Variants in PDE7A observed in about 807,000 individuals in gnomAD.
PDE7A encodes the protein phosphodiesterase 7A, also known as high affinity 3',5'-cyclic-AMP phosphodiesterase 7A.
Under a neutral mutation model 64.3 loss-of-function variants are expected in PDE7A, and 39 were observed. The observed-to-expected ratio is 0.61, with a 90% CI of 0.47 to 0.79. The LOEUF (loss-of-function observed/expected upper bound fraction) is 0.79, where lower values mean the gene tolerates loss of function less well. PDE7A is among the 30% of genes least tolerant of loss of function. PDE7A has a pLI of 0.00. For missense variants in PDE7A, 470 were observed against 582.8 expected (o/e 0.81, Z 1.99); for synonymous variants, 203 against 206.8 (o/e 0.98, Z 0.16).
At chr8:65,726,999 G>T in intron 8 of PDE7A, 33 bp from the exon 9 acceptor site, 1 of 1,214,186 alleles carries the variant, frequency 8.2e-7, no homozygotes, top group Non-Finnish European at 1.2e-6. Flanking sequence ...GTTACTTAAT[G>T]ATACGTCTCT....
chr8:65,753,508 C>T (rs1309276683), intron 3 of PDE7A, among the ~76,000 whole-genome samples: 1 of 151,952 alleles, frequency 6.6e-6, no homozygotes, highest in Non-Finnish European at 1.5e-5. Context: ...GGGTGAGCTC[C>T]CCACCCTCAC....
intron 7 of PDE7A, among the ~76,000 whole-genome samples, chr8:65,731,388 G>C (rs1406118935): frequency 6.6e-6 from 1 of 152,224 alleles, no homozygotes; most frequent in Non-Finnish European, 1.5e-5. Flanking sequence ...TTCAGTGCTA[G>C]AGTGGGTTTA....
chr8:65,732,766 G>A, intron 7 of PDE7A, among the ~76,000 whole-genome samples: 1 of 152,256 alleles, frequency 6.6e-6, no homozygotes, highest in East Asian at 1.9e-4. Context: ...TCTTGCCCTG[G>A]CCTCCCAAAG....
chr8:65,800,409 C>T (rs147679382), intron 1 of PDE7A, among the ~76,000 whole-genome samples: 2 of 152,166 alleles, frequency 1.3e-5, no homozygotes, highest in African/African-American at 2.4e-5. Context: ...GATATCTCAA[C>T]CTTTTAAACT....
At chr8:65,828,111 A>G (rs1476394990) in intron 1 of PDE7A, among the ~76,000 whole-genome samples, 1 of 152,162 alleles carries the variant, frequency 6.6e-6, no homozygotes, top group Non-Finnish European at 1.5e-5. Context: ...TTCAAAAAAT[A>G]GCTTTGTCGA....
At chr8:65,767,901 AC>A (rs903836215) in intron 3 of PDE7A, among the ~76,000 whole-genome samples, 1 of 152,166 alleles carries the variant, frequency 6.6e-6, no homozygotes, top group African/African-American at 2.4e-5. Flanking sequence ...GGTCCTGGGA[AC>A]CGCAACCTGA....
At chr8:65,735,993 AC>A (rs1255289725) in intron 6 of PDE7A, among the ~76,000 whole-genome samples, 1 of 151,776 alleles carries the variant, frequency 6.6e-6, no homozygotes, top group Non-Finnish European at 1.5e-5. Flanking sequence ...ATGTTCCAAG[AC>A]CCCCAGTGGA....
At chr8:65,730,395 G>A (rs1806831168) in intron 7 of PDE7A, among the ~76,000 whole-genome samples, 1 of 151,402 alleles carries the variant, frequency 6.6e-6, no homozygotes, top group Non-Finnish European at 1.5e-5. Context: ...GGTCAGGCTG[G>A]TCTCGAACTC....
chr8:65,771,884 C>CAAAAAAAAAAAAAA (rs36101490), intron 3 of PDE7A, among the ~76,000 whole-genome samples: 1 of 55,832 alleles, frequency 1.8e-5, no homozygotes, highest in Non-Finnish European at 3.7e-5. Context: ...CTCCATCTCT[C>CAAAAAAAAAAAAAA]AAAAAAAAAA....
intron 3 of PDE7A, among the ~76,000 whole-genome samples, chr8:65,749,358 C>T (rs987524264): frequency 1.3e-5 from 2 of 152,136 alleles, no homozygotes; most frequent in African/African-American, 4.8e-5. Flanking sequence ...CCCATACACA[C>T]AAATAAACAG....
chr8:65,771,870 G>A (rs1435262665), intron 3 of PDE7A, among the ~76,000 whole-genome samples: 7 of 121,670 alleles, frequency 5.8e-5, no homozygotes, highest in African/African-American at 1.7e-4. Flanking sequence ...TCGAGACTCC[G>A]AGACTCCATC....
At chr8:65,742,122 TTTAAAA>T (rs1807465623) in intron 5 of PDE7A, among the ~76,000 whole-genome samples, 2 of 152,228 alleles carry the variant, frequency 1.3e-5, no homozygotes, top group Admixed American at 1.3e-4. Context: ...AGAAGAACTT[TTTAAAA>T]AATGGAAATG....
chr8:65,761,152 C>T (rs1014154260), intron 3 of PDE7A, among the ~76,000 whole-genome samples: 2 of 151,990 alleles, frequency 1.3e-5, no homozygotes, highest in Non-Finnish European at 2.9e-5. Context: ...CTCCGCCTCC[C>T]AGGTCCTGAT....
intron 1 of PDE7A, among the ~76,000 whole-genome samples, chr8:65,795,076 T>C (rs916211926): frequency 1.1e-4 from 16 of 152,220 alleles, no homozygotes; most frequent in Admixed American, 7.9e-4. Context: ...ATAAACAAGA[T>C]TCAATAAATT....
chr8:65,784,994 A>AT (rs1479183781), intron 1 of PDE7A, among the ~76,000 whole-genome samples: 1 of 152,108 alleles, frequency 6.6e-6, no homozygotes. Flanking sequence ...AAAAAATCAC[A>AT]TTTTTTACAA....
intron 3 of PDE7A, among the ~76,000 whole-genome samples, chr8:65,757,233 A>G (rs1432286263): frequency 6.6e-6 from 1 of 152,208 alleles, no homozygotes; most frequent in African/African-American, 2.4e-5. Flanking sequence ...AAGGTCAGAG[A>G]AATTGTTTTT....
chr8:65,793,560 G>T (rs1389065780), intron 1 of PDE7A, among the ~76,000 whole-genome samples: 2 of 150,664 alleles, frequency 1.3e-5, no homozygotes, highest in Non-Finnish European at 1.5e-5. Context: ...AGGAGGCAAT[G>T]AGATCAGGTA....
At chr8:65,823,924 A>C (rs1397119971) in intron 1 of PDE7A, among the ~76,000 whole-genome samples, 1 of 152,178 alleles carries the variant, frequency 6.6e-6, no homozygotes. Flanking sequence ...GTTTCCCACA[A>C]ATATGACAAA....
chr8:65,787,588 T>G (rs1248603313), intron 1 of PDE7A, among the ~76,000 whole-genome samples: 1 of 152,188 alleles, frequency 6.6e-6, no homozygotes, highest in Non-Finnish European at 1.5e-5. Context: ...CAACAGTTTT[T>G]TTAAAAATAA....
Sources: gnomAD v4.1 joint callset for allele counts (sites outside exome capture counted in the v4.1 genomes callset) on GRCh38, gnomAD v4.1.1 for gene constraint, MANE v1.5 for transcripts, NCBI Gene and HGNC (gene_info 2026-07-23, HGNC 2026-07-21) for gene names.